The following ARHGAP10 variants were observed in gnomAD, a reference collection of about 807,000 sequenced individuals.
ARHGAP10 encodes rho GTPase-activating protein 10.
In ARHGAP10, 87 loss-of-function variants were observed where a neutral mutation model predicts 108.6. The ratio of observed to expected loss-of-function variants is 0.80; its 90% confidence interval spans 0.67 to 0.96. The LOEUF (loss-of-function observed/expected upper bound fraction) is 0.96. Ranked by LOEUF, ARHGAP10 falls within the 40% of genes least tolerant of loss-of-function variation. The pLI, the probability that ARHGAP10 is intolerant of heterozygous loss-of-function variation, is 0.00. For synonymous variants in ARHGAP10, 347 were observed against 341.1 expected (o/e 1.02, Z -0.19); for missense variants, 939 against 954.5 (o/e 0.98, Z 0.21).
At chr4:147,919,693 C>T (rs1429413239) in intron 13 of ARHGAP10, among the ~76,000 whole-genome samples, 8 of 152,136 alleles carry the variant, frequency 5.3e-5, no homozygotes, top group African/African-American at 1.9e-4. Flanking sequence ...ATTCTTCTAC[C>T]TCAGCCTCCT....
chr4:147,994,875 A>G (rs1274039327), intron 18 of ARHGAP10, among the ~76,000 whole-genome samples: 1 of 152,230 alleles, frequency 6.6e-6, no homozygotes, highest in Admixed American at 6.5e-5. Context: ...TCATCATTTA[A>G]TGAAGGAATT....
intron 3 of ARHGAP10, among the ~76,000 whole-genome samples, chr4:147,833,754 GA>G (rs1733048151): frequency 6.6e-6 from 1 of 152,120 alleles, no homozygotes; most frequent in Non-Finnish European, 1.5e-5. Flanking sequence ...TTTGTGGTAG[GA>G]TATAAAATAA....
At chr4:148,009,256 C>T (rs1741078306) in intron 18 of ARHGAP10, among the ~76,000 whole-genome samples, 1 of 151,952 alleles carries the variant, frequency 6.6e-6, no homozygotes, top group Admixed American at 6.6e-5. Flanking sequence ...CTCAGCCTCC[C>T]ATGTAGCTGG....
chr4:147,836,068 G>A (rs371366727), intron 3 of ARHGAP10, among the ~76,000 whole-genome samples: 10 of 152,196 alleles, frequency 6.6e-5, no homozygotes, highest in African/African-American at 2.4e-4. Flanking sequence ...GGTAGATTGT[G>A]TTTGATTTAA....
chr4:147,964,972 A>T, intron 16 of ARHGAP10, 52 bp from the exon 17 acceptor site: 1 of 1,277,954 alleles, frequency 7.8e-7, no homozygotes, highest in Non-Finnish European at 1.1e-6. Context: ...TCTATTAACT[A>T]TTGTTTTCTT....
intron 13 of ARHGAP10, among the ~76,000 whole-genome samples, chr4:147,929,794 T>C (rs1468597342): frequency 6.6e-6 from 1 of 152,236 alleles, no homozygotes; most frequent in Admixed American, 6.5e-5. Flanking sequence ...TTAGTAATTA[T>C]ATATGAAAAT....
chr4:147,770,306 T>C (rs1019449227), intron 1 of ARHGAP10, among the ~76,000 whole-genome samples: 11 of 152,110 alleles, frequency 7.2e-5, no homozygotes, highest in African/African-American at 2.7e-4. Context: ...GGGAGGATCA[T>C]TGGAGGTCAG....
chr4:147,826,620 A>G (rs1040102483), intron 3 of ARHGAP10, among the ~76,000 whole-genome samples: 2 of 152,218 alleles, frequency 1.3e-5, no homozygotes, highest in Non-Finnish European at 2.9e-5. Context: ...AGAGAAATAT[A>G]CAATGAAACT....
At chr4:147,817,731 C>T (rs1732315368) in intron 1 of ARHGAP10, among the ~76,000 whole-genome samples, 2 of 152,198 alleles carry the variant, frequency 1.3e-5, no homozygotes, top group Non-Finnish European at 2.9e-5. Context: ...GTGCAGGTCA[C>T]ATTCATTCTT....
chr4:147,959,696 C>T (rs774410014), intron 16 of ARHGAP10, among the ~76,000 whole-genome samples: 8 of 152,250 alleles, frequency 5.3e-5, no homozygotes, highest in East Asian at 3.9e-4. Flanking sequence ...AGGACATGAA[C>T]GCATCCTTTT....
intron 18 of ARHGAP10, among the ~76,000 whole-genome samples, chr4:148,000,527 T>A (rs1218553144): frequency 9.9e-5 from 15 of 152,208 alleles, no homozygotes; most frequent in Non-Finnish European, 4.4e-5. Context: ...GTTGAACTAG[T>A]TTACAGTCCC....
intron 1 of ARHGAP10, among the ~76,000 whole-genome samples, chr4:147,764,087 G>A (rs1232501539): frequency 6.6e-6 from 1 of 152,144 alleles, no homozygotes; most frequent in Non-Finnish European, 1.5e-5. Flanking sequence ...TCTTTAGTGG[G>A]AATCAAAATC....
At chr4:147,863,821 C>T (rs776343185) in intron 5 of ARHGAP10, 1 of 152,184 alleles carries the variant, frequency 6.6e-6, no homozygotes, top group Admixed American at 6.5e-5. Flanking sequence ...ACTTAAAGCA[C>T]TATTTTTCAC....
chr4:147,852,871 A>G (rs1016156020), intron 4 of ARHGAP10, among the ~76,000 whole-genome samples: 2 of 152,038 alleles, frequency 1.3e-5, no homozygotes, highest in Non-Finnish European at 2.9e-5. Flanking sequence ...GACATGCGCC[A>G]GCACGCCAGG....
chr4:147,978,580 C>T (rs1739689835), intron 18 of ARHGAP10, among the ~76,000 whole-genome samples: 1 of 152,168 alleles, frequency 6.6e-6, no homozygotes, highest in African/African-American at 2.4e-5. Flanking sequence ...CTCACTCTCT[C>T]CTGCTCCGCC....
intron 10 of ARHGAP10, among the ~76,000 whole-genome samples, chr4:147,892,846 G>A (rs1735839375): frequency 6.6e-6 from 1 of 152,262 alleles, no homozygotes; most frequent in Admixed American, 6.5e-5. Flanking sequence ...GTGTGTTTGG[G>A]GGCTGGGGGT....
chr4:147,940,547 C>T (rs982291644), intron 14 of ARHGAP10, among the ~76,000 whole-genome samples: 1 of 152,198 alleles, frequency 6.6e-6, no homozygotes, highest in African/African-American at 2.4e-5. Context: ...ACTTCTCCCC[C>T]ACCCCAAAAC....
intron 1 of ARHGAP10, among the ~76,000 whole-genome samples, chr4:147,789,386 T>C (rs1006313403): frequency 6.6e-6 from 1 of 152,170 alleles, no homozygotes; most frequent in Admixed American, 6.5e-5. Context: ...GCCTCCCCGG[T>C]TCAAGCGATT....
At chr4:148,025,042 G>T (rs771045906) in intron 19 of ARHGAP10, among the ~76,000 whole-genome samples, 5 of 152,136 alleles carry the variant, frequency 3.3e-5, no homozygotes, top group Non-Finnish European at 7.4e-5. Context: ...CAATGGAATC[G>T]TAATATCCAG....
Sources: allele counts gnomAD v4.1 joint callset (sites outside exome capture counted in the v4.1 genomes callset), GRCh38; gene constraint gnomAD v4.1.1; transcripts MANE v1.5; gene names NCBI Gene and HGNC (gene_info 2026-07-23, HGNC 2026-07-21).